The following MEF2A variants were observed in gnomAD, a reference collection of about 807,000 sequenced individuals.
The protein encoded by MEF2A is myocyte enhancer factor 2A.
In MEF2A, 28 loss-of-function variants were observed where a neutral mutation model predicts 55.8. The observed-to-expected ratio is 0.50, with a 90% confidence interval of 0.37 to 0.69. The LOEUF (loss-of-function observed/expected upper bound fraction) is 0.69, where lower values mean the gene tolerates loss of function less well. Ranked by LOEUF, MEF2A falls within the 30% of genes least tolerant of loss-of-function variation. The pLI is 0.00. For synonymous variants in MEF2A, 239 were observed against 227.1 expected (o/e 1.05, Z -0.47); for missense variants, 528 against 626.2 (o/e 0.84, Z 1.67).
Position 99,674,416 on chromosome 15 carries a change from T to C in MEF2A, c.414T>C (p.Phe138=), listed in dbSNP as rs774135500. 4.3e-6 allele frequency: 7 copies of C among 1,611,588 alleles called. No individual in the cohort carries two copies. In the East Asian group the frequency reaches 6.7e-5, roughly 15 times the overall value. The change falls in exon 6 of 12, where the codon TTT becomes TTC. Residue 138 remains phenylalanine (F), a synonymous_variant. Coordinates refer to ENST00000557942, the MANE Select transcript of MEF2A (RefSeq NM_001319206.4). ...RGPPGLPPQN[F]SMSVTVPVTS... is the part of the protein sequence containing the mutation. Reference sequence around the variant, plus strand: ...AGCCTGGTCTGCCACCTCAGAACTTTTCAATGTCTGTCACAGTTCCAGTGA... The same window carrying C: ...AGCCTGGTCTGCCACCTCAGAACTTCTCAATGTCTGTCACAGTTCCAGTGA...
intron 8 of MEF2A, among the ~76,000 whole-genome samples, chr15:99,696,068 G>A (rs1006660524): frequency 7.2e-5 from 11 of 152,274 alleles, no homozygotes; most frequent in Admixed American, 6.5e-4. Context: ...AGAAATAACT[G>A]TCTTTAATGT....
At chr15:99,687,023 C>T (rs1013393354) in intron 7 of MEF2A, among the ~76,000 whole-genome samples, 3 of 148,230 alleles carry the variant, frequency 2.0e-5, no homozygotes, top group African/African-American at 4.9e-5. Flanking sequence ...CTCCTGGGCT[C>T]ACCTCAGCCT....
chr15:99,609,786 T>C (rs1976476278), intron 2 of MEF2A, among the ~76,000 whole-genome samples: 1 of 152,202 alleles, frequency 6.6e-6, no homozygotes, highest in African/African-American at 2.4e-5. Context: ...TTACAAATTA[T>C]AGAATAATTC....
At chr15:99,698,760 C>T (rs980348936) in intron 8 of MEF2A, among the ~76,000 whole-genome samples, 2 of 151,910 alleles carry the variant, frequency 1.3e-5, no homozygotes, top group Admixed American at 6.6e-5. Context: ...CCATTGCACT[C>T]CAGCCTGGGC....
intron 4 of MEF2A, among the ~76,000 whole-genome samples, chr15:99,665,699 A>G (rs2049491007): frequency 1.3e-5 from 2 of 149,740 alleles, no homozygotes; most frequent in Non-Finnish European, 3.0e-5. Flanking sequence ...ACAAAGGGTT[A>G]ATATCCGGAA....
intron 10 of MEF2A, among the ~76,000 whole-genome samples, chr15:99,708,839 G>C (rs1306774498): frequency 6.6e-6 from 1 of 152,200 alleles, no homozygotes; most frequent in Non-Finnish European, 1.5e-5. Context: ...GTGCTCTTGG[G>C]AGAGGGTGTG....
At chr15:99,706,617 C>A in intron 9 of MEF2A, 112 bp from the exon 10 acceptor site, 1 of 1,214,142 alleles carries the variant, frequency 8.2e-7, no homozygotes, top group Non-Finnish European at 1.2e-6. Flanking sequence ...ATCAGTGCTT[C>A]AGAAAATGAC....
At chr15:99,641,944 A>G (rs2045061272) in intron 3 of MEF2A, among the ~76,000 whole-genome samples, 1 of 152,182 alleles carries the variant, frequency 6.6e-6, no homozygotes, top group Non-Finnish European at 1.5e-5. Flanking sequence ...AACTTTTTTC[A>G]ACTTATGTTC....
At chr15:99,570,311 G>C (rs1052675594) in intron 1 of MEF2A, among the ~76,000 whole-genome samples, 2 of 152,064 alleles carry the variant, frequency 1.3e-5, no homozygotes, top group Non-Finnish European at 2.9e-5. Context: ...TTTTATGGTT[G>C]TCTTGAATTA....
chr15:99,637,090 T>A (rs1596661723), intron 3 of MEF2A, among the ~76,000 whole-genome samples: 1 of 152,270 alleles, frequency 6.6e-6, no homozygotes, highest in East Asian at 1.9e-4. Context: ...TTACTATAAT[T>A]TGATATCTGG....
chr15:99,642,058 C>A (rs1180623478), intron 3 of MEF2A, among the ~76,000 whole-genome samples: 1 of 151,974 alleles, frequency 6.6e-6, no homozygotes, highest in African/African-American at 2.4e-5. Flanking sequence ...TGTTATACTT[C>A]CTGAGTTTTT....
At chr15:99,573,286 CAAAA>C (rs66573508) in intron 1 of MEF2A, among the ~76,000 whole-genome samples, 12 of 86,630 alleles carry the variant, frequency 1.4e-4, no homozygotes, top group Admixed American at 7.9e-4. Context: ...GACTCCGTCT[CAAAA>C]AAAAAAAAAA....
intron 10 of MEF2A, among the ~76,000 whole-genome samples, chr15:99,707,283 T>C (rs1258105457): frequency 6.6e-6 from 1 of 152,174 alleles, no homozygotes; most frequent in Non-Finnish European, 1.5e-5. Flanking sequence ...TGAATCCCTT[T>C]GGACCTGAGA....
intron 8 of MEF2A, among the ~76,000 whole-genome samples, chr15:99,698,706 C>T (rs865860351): frequency 2.0e-5 from 3 of 151,830 alleles, no homozygotes; most frequent in African/African-American, 4.8e-5. Flanking sequence ...GCAGGAGAAT[C>T]GCTTGAACCC....
At chr15:99,673,010 A>G (rs567632033) in intron 5 of MEF2A, among the ~76,000 whole-genome samples, 1 of 152,268 alleles carries the variant, frequency 6.6e-6, no homozygotes, top group East Asian at 1.9e-4. Context: ...TGCTTGTGTG[A>G]GGGAATCTGG....
At chr15:99,586,274 G>A (rs558702127) in intron 1 of MEF2A, among the ~76,000 whole-genome samples, 25 of 152,202 alleles carry the variant, frequency 1.6e-4, no homozygotes, top group Admixed American at 1.5e-3. Context: ...CAAAGTAGTT[G>A]TATGATTTTA....
intron 2 of MEF2A, among the ~76,000 whole-genome samples, chr15:99,602,071 A>T (rs1317512914): frequency 6.6e-6 from 1 of 152,094 alleles, no homozygotes; most frequent in African/African-American, 2.4e-5. Flanking sequence ...CAGAAGAAAG[A>T]ATTCAACTGA....
intron 5 of MEF2A, 92 bp from the exon 6 acceptor site, chr15:99,674,298 GTAA>G: frequency 9.0e-7 from 1 of 1,115,980 alleles, no homozygotes; most frequent in East Asian, 2.4e-5. Flanking sequence ...TCTACTTTTA[GTAA>G]CTTGAGTTAC....
intron 10 of MEF2A, 84 bp downstream of exon 10, chr15:99,706,939 T>C (rs2058105707): frequency 7.0e-7 from 1 of 1,433,386 alleles, no homozygotes; most frequent in Admixed American, 2.5e-5. Flanking sequence ...TTTTTAAGTA[T>C]ATTTATTGAA....
Sources: gnomAD v4.1 joint callset for allele counts (sites outside exome capture counted in the v4.1 genomes callset) on GRCh38, gnomAD v4.1.1 for gene constraint, MANE v1.5 for transcripts, NCBI Gene and HGNC (gene_info 2026-07-23, HGNC 2026-07-21) for gene names.